WARS1: variants seen among roughly 807,000 people sequenced by gnomAD.
WARS1 encodes the protein tryptophan--tRNA ligase, cytoplasmic.
WARS1 carries 17 observed loss-of-function variants against 47.8 expected under a neutral mutation model. The ratio of observed to expected loss-of-function variants is 0.36; its 90% CI spans 0.24 to 0.53. WARS1 has a LOEUF of 0.53. Ranked by LOEUF, WARS1 falls within the 20% of genes least tolerant of loss-of-function variation. WARS1 has a pLI of 0.91. For synonymous variants in WARS1, 208 were observed against 228.1 expected, an observed-to-expected ratio of 0.91 and a Z score of 0.79; for missense variants, 434 against 608.0, an observed-to-expected ratio of 0.71 and a Z score of 3.01.
chr14:100,369,117 T>G lies in WARS1; in HGVS notation c.69A>C (p.Val23=), dbSNP rs778861988. 4 of 1,571,702 alleles carry G rather than the reference T, an allele frequency of 2.5e-6. No homozygotes were observed. Among genetic ancestry groups the G allele is most frequent in the Admixed American group, 1.7e-5 (1 of 57,726 alleles). Residue 23 remains valine (V), a synonymous_variant, in exon 2 of 11, where the codon GTA becomes GTC. Transcript: ENST00000392882. ...ACGCATTTCCCGCTTTGAGGGACCTTACGAGCTCCCCTTGTGTGGCGATGC... is the reference window on the plus strand; with the variant it reads ...ACGCATTTCCCGCTTTGAGGGACCTGACGAGCTCCCCTTGTGTGGCGATGC... ...FNSIATQGEL[V]RSLKAGNASK... is the part of the protein sequence containing the mutation.
chr14:100,343,848 T>C lies in WARS1; in HGVS notation c.827-461A>G, dbSNP rs1894340136. On this transcript the variant is annotated intron_variant, in intron 7 of 10. Transcript: ENST00000392882. ...TGAGGTTTCATCATGTTGGCCAGCA[T>C]GGTCTCAATCTCTTGACCTCGTGAT... Among the ~76,000 whole-genome samples, 3 of 152,170 alleles carry C rather than the reference T, an allele frequency of 2.0e-5. No individual in the cohort carries two copies. In the South Asian group the frequency reaches 6.2e-4, roughly 32 times the overall value.
intron 4 of WARS1, among the ~76,000 whole-genome samples, chr14:100,356,521 C>T (rs748090873): frequency 2.0e-5 from 3 of 151,982 alleles, no homozygotes; most frequent in Non-Finnish European, 2.9e-5. Flanking sequence ...CTATGAATAA[C>T]TGTATACCAA....
intron 10 of WARS1, among the ~76,000 whole-genome samples, chr14:100,336,311 C>T (rs999840548): frequency 6.6e-6 from 1 of 150,460 alleles, no homozygotes; most frequent in African/African-American, 2.4e-5. Context: ...GAGGGTCTTG[C>T]TATGTCGCCC....
Position 100,354,366 on chromosome 14 carries a change from TTG to T in WARS1, c.542+79_542+80del, listed in dbSNP as rs1595437366. 2.1e-5 allele frequency: 32 copies of T among 1,544,316 alleles called. No individual in the cohort carries two copies. In the Middle Eastern group the frequency reaches 5.2e-4, roughly 25 times the overall value. ...GCTCAGCAAATGAACTAGCATGATC[TTG>T]TCAGTTCTAAACATGGTTTATAAGC... On this transcript the variant is annotated intron_variant, in intron 5 of 10. Transcript: ENST00000392882.
At position 100,334,185 on chromosome 14, in the gene WARS1, C is replaced by G. The variant is rs536024717; in HGVS notation, c.*690G>C. 1 of 152,626 alleles carries G rather than the reference C, an allele frequency of 6.6e-6. No homozygotes were observed. The highest frequency in any genetic ancestry group is 1.5e-5 in the Non-Finnish European group (1 of 68,040). 9.5% of individuals were successfully genotyped at this position (152,626 alleles called of 1,614,324 possible). A position where few individuals can be genotyped will look rare whatever the true frequency, so the allele number is the denominator to read the frequency against. On this transcript the variant is annotated 3_prime_UTR_variant, in exon 11 of 11. Coordinates refer to ENST00000392882, the MANE Select transcript of WARS1 (RefSeq NM_004184.4). ...GAGAACACTGGTGTGCCAAGGGAAG[C>G]GAGCATGATTTCTGGAGTGGACTAC...
chr14:100,356,725 T>G (rs139358308), intron 4 of WARS1, among the ~76,000 whole-genome samples: 245 of 152,232 alleles, frequency 1.6e-3, no homozygotes, highest in African/African-American at 5.8e-3. Flanking sequence ...CAAAAAAGAA[T>G]TAATACCAAT....
At chr14:100,361,582 T>C in intron 3 of WARS1, 126 bp downstream of exon 3, 1 of 920,960 alleles carries the variant, frequency 1.1e-6, no homozygotes, top group Non-Finnish European at 1.6e-6. Context: ...GTATCCATTT[T>C]TTCTTGGCAT....
At chr14:100,338,038 A>G (rs1299099201) in intron 9 of WARS1, among the ~76,000 whole-genome samples, 1 of 152,154 alleles carries the variant, frequency 6.6e-6, no homozygotes, top group Non-Finnish European at 1.5e-5. Flanking sequence ...GCACAGGGTA[A>G]GGCAGTAAGG....
At chr14:100,376,253 C>T (rs944862558), upstream of WARS1, 12 of 558,556 alleles carry the variant, frequency 2.1e-5, no homozygotes, top group Non-Finnish European at 3.1e-5. Flanking sequence ...TTACTCCCCT[C>T]GCTTACCCTG....
At chr14:100,342,016 T>A (rs1894193335) in intron 9 of WARS1, 1 of 283,806 alleles carries the variant, frequency 3.5e-6, no homozygotes, top group South Asian at 3.3e-5. Context: ...GTCCAGCCGC[T>A]GGAACACAGC....
At chr14:100,359,057 T>C (rs978874729) in intron 4 of WARS1, among the ~76,000 whole-genome samples, 1 of 152,180 alleles carries the variant, frequency 6.6e-6, no homozygotes, top group Non-Finnish European at 1.5e-5. Flanking sequence ...GGAAGCTTCC[T>C]ATGTTGCTGG....
chr14:100,364,761 T>G (rs893395617), intron 2 of WARS1, among the ~76,000 whole-genome samples: 13 of 152,194 alleles, frequency 8.5e-5, no homozygotes, highest in African/African-American at 3.1e-4. Flanking sequence ...TTACTAAATG[T>G]TATTCAAATT....
intron 7 of WARS1, among the ~76,000 whole-genome samples, chr14:100,344,501 C>A (rs1188099027): frequency 6.6e-6 from 1 of 152,216 alleles, no homozygotes; most frequent in African/African-American, 2.4e-5. Context: ...TGCATGGCCG[C>A]CACCCCGTCT....
intron 4 of WARS1, among the ~76,000 whole-genome samples, chr14:100,358,355 A>G (rs528878184): frequency 4.7e-4 from 71 of 151,604 alleles, no homozygotes; most frequent in Non-Finnish European, 7.6e-4. Flanking sequence ...GATGGTCTCA[A>G]TCTCCTGACC....
Position 100,339,409 on chromosome 14 carries a change from G to A in WARS1, c.1114-2207C>T, listed in dbSNP as rs545102724. Among the ~76,000 whole-genome samples the A allele has an allele frequency of 2.8e-3, 433 of 152,014 alleles. 2 individuals are homozygous for A. The highest frequency in any genetic ancestry group is 0.01 in the African/African-American group (418 of 41,480). ...GATCAAGACCATCCTGGCTAACACG[G>A]TGAAACCCCGTCTCTACCAAAATAC... On this transcript the variant is annotated intron_variant, in intron 9 of 10. Coordinates refer to ENST00000392882, the MANE Select transcript of WARS1 (RefSeq NM_004184.4).
chr14:100,360,398 G>A, intron 4 of WARS1, 156 bp downstream of exon 4: 1 of 489,330 alleles, frequency 2.0e-6, no homozygotes, highest in Non-Finnish European at 3.7e-6. Flanking sequence ...ATCCCACAGT[G>A]GGTTACTGAC....
At chr14:100,367,573 G>A (rs1326440533) in intron 2 of WARS1, among the ~76,000 whole-genome samples, 10 of 123,616 alleles carry the variant, frequency 8.1e-5, no homozygotes, top group African/African-American at 9.1e-5. Context: ...GGGTGAAAGA[G>A]TGAGATTCCA....
At chr14:100,335,804 C>G (rs1407905903) in intron 10 of WARS1, among the ~76,000 whole-genome samples, 1 of 152,174 alleles carries the variant, frequency 6.6e-6, no homozygotes. Flanking sequence ...AATTGCCCAC[C>G]TGAAAAATGC....
intron 4 of WARS1, among the ~76,000 whole-genome samples, chr14:100,360,152 G>A (rs1034638558): frequency 2.0e-5 from 3 of 152,188 alleles, no homozygotes; most frequent in African/African-American, 7.2e-5. Context: ...TTGTTTATGA[G>A]CAAGTCAATA....
Sources: gnomAD v4.1 joint callset for allele counts (sites outside exome capture counted in the v4.1 genomes callset) on GRCh38, gnomAD v4.1.1 for gene constraint, MANE v1.5 for transcripts, NCBI Gene and HGNC (gene_info 2026-07-23, HGNC 2026-07-21) for gene names.